Variants in LARS2 observed in about 807,000 individuals in gnomAD.
The protein encoded by LARS2 is leucyl-tRNA synthetase 2, mitochondrial, also known as leucine--tRNA ligase, mitochondrial.
A neutral mutation model predicts 116.6 loss-of-function variants in LARS2; 81 were observed. That is an observed-to-expected ratio of 0.69 (90% CI 0.58 to 0.84). LARS2 has a LOEUF of 0.84. Ranked by LOEUF, LARS2 falls within the 40% of genes least tolerant of loss-of-function variation. LARS2 has a pLI of 0.00. For synonymous variants in LARS2, 396 were observed against 407.2 expected, an observed-to-expected ratio of 0.97 and a Z score of 0.33; for missense variants, 968 against 1,114.5, an observed-to-expected ratio of 0.87 and a Z score of 1.87.
intron 8 of LARS2, among the ~76,000 whole-genome samples, chr3:45,470,947 C>T (rs1699511643): frequency 6.8e-6 from 1 of 146,364 alleles, no homozygotes. Context: ...TAAGATTGGC[C>T]AGTATATGGA....
chr3:45,404,583 G>A (rs1335230260), intron 4 of LARS2, among the ~76,000 whole-genome samples: 2 of 152,154 alleles, frequency 1.3e-5, no homozygotes, highest in Non-Finnish European at 2.9e-5. Flanking sequence ...CACATGTATT[G>A]ATTAATTTAG....
At chr3:45,426,159 AC>A (rs1382454191) in intron 6 of LARS2, among the ~76,000 whole-genome samples, 2 of 152,210 alleles carry the variant, frequency 1.3e-5, no homozygotes, top group African/African-American at 4.8e-5. Flanking sequence ...TTCATAGAGA[AC>A]CGGACCTCTG....
At chr3:45,487,997 T>C (rs1250396929) in intron 11 of LARS2, among the ~76,000 whole-genome samples, 1 of 152,180 alleles carries the variant, frequency 6.6e-6, no homozygotes, top group African/African-American at 2.4e-5. Context: ...TAGGAAATGC[T>C]GGAGGAGTCA....
In LARS2 at chr3:45,500,454, A is replaced by T; in HGVS notation, c.1635A>T (p.Thr545=). 1.2e-6 allele frequency: 2 copies of T among 1,604,794 alleles called. No individual in the cohort carries two copies. The highest frequency in any genetic ancestry group is 2.3e-5 in the South Asian group (2 of 88,318). ...CTCTTTTTTACAGCCCTTTTAACAC[A>T]GCAGTGGCCGATTACTGGATGCCTG... ...DPHNPHSPFN[T]AVADYWMPVD... is the part of the protein sequence containing the mutation. The change falls in exon 15 of 22, where the codon ACA becomes ACT. Residue 545 remains threonine, a synonymous_variant. Transcript: ENST00000645846.
intron 5 of LARS2, among the ~76,000 whole-genome samples, chr3:45,418,206 C>G (rs957641463): frequency 6.6e-6 from 1 of 152,224 alleles, no homozygotes; most frequent in African/African-American, 2.4e-5. Flanking sequence ...ACTGCATCAG[C>G]TCATTTCACA....
Position 45,447,068 on chromosome 3 carries a change from A to G in LARS2, c.606+88A>G, listed in dbSNP as rs75743573. ...TAGCAGCGAAAATGAACGCTACCTC[A>G]AGTTCATAAAATCAGTCACAGCAGA... On this transcript the variant is annotated intron_variant, in intron 7 of 21. Coordinates refer to ENST00000645846, the MANE Select transcript of LARS2 (RefSeq NM_015340.4). The G allele has an allele frequency of 3.3e-3, 2,407 of 740,234 alleles. 66 individuals carry two copies. The East Asian group carries it at 0.053, about 16-fold the overall frequency. 45.9% of individuals were successfully genotyped at this position (740,234 alleles called of 1,614,324 possible).
At chr3:45,505,543 G>A (rs1043166268) in intron 15 of LARS2, among the ~76,000 whole-genome samples, 4 of 151,362 alleles carry the variant, frequency 2.6e-5, no homozygotes, top group African/African-American at 9.7e-5. Flanking sequence ...AAAAATTAAT[G>A]AGCCAGGTGT....
intron 4 of LARS2, among the ~76,000 whole-genome samples, chr3:45,413,406 G>A (rs1185032218): frequency 2.0e-5 from 3 of 152,196 alleles, no homozygotes; most frequent in East Asian, 3.8e-4. Flanking sequence ...GTGCTGTGCC[G>A]GGCACCATGC....
At chr3:45,454,257 A>G (rs538120954) in intron 7 of LARS2, among the ~76,000 whole-genome samples, 161 of 152,332 alleles carry the variant, frequency 1.1e-3, no homozygotes, top group African/African-American at 3.8e-3. Context: ...AAGAGTAGAG[A>G]GGAGACAAAA....
At chr3:45,515,827 G>A (rs1232064366) in intron 16 of LARS2, among the ~76,000 whole-genome samples, 1 of 152,138 alleles carries the variant, frequency 6.6e-6, no homozygotes, top group Non-Finnish European at 1.5e-5. Flanking sequence ...AAATTGTTTT[G>A]TTTTATAGAA....
intron 6 of LARS2, among the ~76,000 whole-genome samples, chr3:45,425,468 G>T (rs1347434739): frequency 6.6e-6 from 1 of 152,208 alleles, no homozygotes; most frequent in Admixed American, 6.5e-5. Context: ...CAGAGCTGCG[G>T]AAGAGTTTGT....
intron 10 of LARS2, among the ~76,000 whole-genome samples, chr3:45,477,473 G>C (rs1699635243): frequency 6.6e-6 from 1 of 152,196 alleles, no homozygotes; most frequent in Non-Finnish European, 1.5e-5. Context: ...TTTGACTGCT[G>C]TAACTGGGGC....
chr3:45,391,353 C>T (rs1697944626), intron 1 of LARS2, among the ~76,000 whole-genome samples: 1 of 151,332 alleles, frequency 6.6e-6, no homozygotes. Flanking sequence ...GGTGTGGTGG[C>T]GGGCGCCTGT....
intron 13 of LARS2, 23 bp downstream of exon 13, chr3:45,491,823 T>C (rs2125732940): frequency 1.9e-6 from 3 of 1,605,462 alleles, no homozygotes; most frequent in Non-Finnish European, 2.6e-6. Context: ...ATCCCTGCAG[T>C]GGTGACTGTG....
chr3:45,470,027 T>C (rs572151458), intron 8 of LARS2, among the ~76,000 whole-genome samples: 1 of 152,294 alleles, frequency 6.6e-6, no homozygotes, highest in East Asian at 1.9e-4. Flanking sequence ...GCTCTTAAGG[T>C]TTTTGATTAT....
intron 20 of LARS2, chr3:45,538,515 G>GA (rs1340427192): frequency 2.0e-5 from 3 of 152,254 alleles, no homozygotes; most frequent in African/African-American, 4.8e-5. Flanking sequence ...GAACAAGCAG[G>GA]AATCTTCTTT....
At chr3:45,510,537 G>A (rs1006927869) in intron 15 of LARS2, among the ~76,000 whole-genome samples, 7 of 149,816 alleles carry the variant, frequency 4.7e-5, no homozygotes, top group South Asian at 4.1e-4. Flanking sequence ...CATCAGGAAG[G>A]AAAAAACAAC....
intron 7 of LARS2, among the ~76,000 whole-genome samples, chr3:45,458,270 G>C (rs759024674): frequency 6.6e-6 from 1 of 152,166 alleles, no homozygotes; most frequent in Non-Finnish European, 1.5e-5. Context: ...TGGAAGCACA[G>C]AGGAAATTAA....
In LARS2 at chr3:45,491,577, A is replaced by G. The variant is rs1025433672; in HGVS notation, c.1300A>G (p.Arg434Gly). ...LALTQKARGK[R>G]VGGDVTSDKL... The stretch of plus-strand genomic sequence containing the variant: ...CCTGACTCAGAAAGCCCGGGGGAAG[A>G]GAGTGGGTGGAGACGTGACAAGTGA... Residue 434 changes from arginine to glycine, a missense_variant, in exon 13 of 22, where the codon AGA becomes GGA. Arg to Gly is a moderately radical substitution (Grantham distance 125). Transcript: ENST00000645846. 1 of 1,614,050 alleles carries G rather than the reference A, an allele frequency of 6.2e-7. No homozygotes were observed. The highest frequency in any genetic ancestry group is 1.7e-5 in the Admixed American group (1 of 60,006).
Sources: allele counts gnomAD v4.1 joint callset (sites outside exome capture counted in the v4.1 genomes callset), GRCh38; gene constraint gnomAD v4.1.1; transcripts MANE v1.5; gene names NCBI Gene and HGNC (gene_info 2026-07-23, HGNC 2026-07-21).